The following CDH18 variants were observed in gnomAD, a reference collection of about 807,000 sequenced individuals.
The protein encoded by CDH18 is cadherin 18, also known as cadherin-18.
In CDH18, 31 loss-of-function variants were observed where a neutral mutation model predicts 67.9. The ratio of observed to expected loss-of-function variants is 0.46; its 90% confidence interval spans 0.34 to 0.62. CDH18 has a LOEUF of 0.62. CDH18 is among the 20% of genes least tolerant of loss of function. The pLI, the probability that CDH18 is intolerant of heterozygous loss-of-function variation, is 0.01. For missense variants in CDH18, 890 were observed against 975.5 expected (o/e 0.91, Z 1.17); for synonymous variants, 362 against 347.2 (o/e 1.04, Z -0.48).
intron 1 of CDH18, among the ~76,000 whole-genome samples, chr5:20,292,346 T>G (rs1747166031): frequency 6.6e-6 from 1 of 152,300 alleles, no homozygotes; most frequent in South Asian, 2.1e-4. Flanking sequence ...GATAGAGAGC[T>G]GCTGAAGTAG....
At chr5:20,186,681 G>C (rs768131977) in intron 2 of CDH18, among the ~76,000 whole-genome samples, 28 of 151,832 alleles carry the variant, frequency 1.8e-4, no homozygotes, top group Admixed American at 1.3e-4. Context: ...TGAAATGTTA[G>C]ATCCCTTGTA....
chr5:19,813,670 A>T (rs1249589357), intron 3 of CDH18, among the ~76,000 whole-genome samples: 2 of 152,178 alleles, frequency 1.3e-5, no homozygotes, highest in African/African-American at 4.8e-5. Flanking sequence ...TAGTCATAGT[A>T]AACAATTTTA....
chr5:20,156,277 C>T (rs956538913), intron 2 of CDH18, among the ~76,000 whole-genome samples: 3 of 151,984 alleles, frequency 2.0e-5, no homozygotes, highest in East Asian at 1.9e-4. Flanking sequence ...AAGATACGCT[C>T]GTTATGTTTA....
intron 5 of CDH18, among the ~76,000 whole-genome samples, chr5:19,696,225 A>ATG (rs1192392126): frequency 0.012 from 880 of 75,094 alleles, 7 homozygotes; most frequent in Middle Eastern, 0.03. Flanking sequence ...CACCAAATAT[A>ATG]TGTGTGTGTG....
chr5:19,494,192 A>C (rs1048152298), intron 11 of CDH18, among the ~76,000 whole-genome samples: 6 of 152,236 alleles, frequency 3.9e-5, no homozygotes, highest in African/African-American at 1.4e-4. Flanking sequence ...CACTCAGGAT[A>C]ATTTCTTTAG....
intron 1 of CDH18, among the ~76,000 whole-genome samples, chr5:20,462,929 T>TTTG (rs1295016536): frequency 6.6e-6 from 1 of 152,194 alleles, no homozygotes; most frequent in East Asian, 1.9e-4. Flanking sequence ...ATTGTTCTAC[T>TTTG]TTGTATTTCT....
intron 2 of CDH18, among the ~76,000 whole-genome samples, chr5:19,968,068 T>C (rs1797640837): frequency 6.6e-6 from 1 of 150,684 alleles, no homozygotes; most frequent in Non-Finnish European, 1.5e-5. Context: ...GAGAGCCAAT[T>C]CATGAGTGAA....
intron 2 of CDH18, among the ~76,000 whole-genome samples, chr5:20,155,379 G>A (rs1474924985): frequency 1.3e-5 from 2 of 152,052 alleles, no homozygotes; most frequent in Non-Finnish European, 2.9e-5. Flanking sequence ...ATTGAAAAAT[G>A]TCTGTACACG....
intron 5 of CDH18, among the ~76,000 whole-genome samples, chr5:19,612,879 G>A (rs1433858082): frequency 1.3e-5 from 2 of 152,034 alleles, no homozygotes; most frequent in Non-Finnish European, 2.9e-5. Context: ...GGTGGCTCAC[G>A]CCTGTAATCC....
intron 1 of CDH18, among the ~76,000 whole-genome samples, chr5:20,476,080 C>A (rs1224771726): frequency 1.3e-5 from 2 of 152,106 alleles, no homozygotes; most frequent in East Asian, 3.9e-4. Flanking sequence ...GGGAAAAATT[C>A]TCAGCTTGCT....
In CDH18 at chr5:20,048,562, G is replaced by GTGT. The variant is rs1480159110; in HGVS notation, c.-517-56551_-517-56549dup. ...TCCAATGCAAAATCAGTATCTCAGAGTGTTTCAAGTAACTTGGTGAGAACT... is the reference window on the plus strand; with the variant it reads ...TCCAATGCAAAATCAGTATCTCAGAGTGTTGTTTCAAGTAACTTGGTGAGAACT... On this transcript the variant is annotated intron_variant, in intron 2 of 14. Coordinates refer to the CDH18 transcript ENST00000507958. 2.0e-5 allele frequency among the ~76,000 whole-genome samples: 3 copies of GTGT among 151,770 alleles called. No homozygotes were observed. In the East Asian group the frequency reaches 5.8e-4, roughly 29 times the overall value.
intron 9 of CDH18, among the ~76,000 whole-genome samples, chr5:19,526,190 A>G (rs2126944254): frequency 6.6e-6 from 1 of 152,260 alleles, no homozygotes; most frequent in South Asian, 2.1e-4. Context: ...TATAATACTG[A>G]GCCTGGGAAA....
At position 20,272,158 on chromosome 5, in the gene CDH18, C is replaced by T. The variant is rs548455662; in HGVS notation, c.-579-16653G>A. 1.5e-4 allele frequency among the ~76,000 whole-genome samples: 23 copies of T among 151,832 alleles called. No individual in the cohort carries two copies. In the South Asian group the frequency reaches 1.9e-3, roughly 12 times the overall value. ...AAGTAGCAAAACAGACTGAAGATAG[C>T]CTAAGAGGAAGAAGTGGACTTAAAG... On this transcript the variant is annotated intron_variant, in intron 1 of 14. Transcript: ENST00000507958.
At chr5:20,016,883 C>T (rs1456123522) in intron 2 of CDH18, among the ~76,000 whole-genome samples, 1 of 151,942 alleles carries the variant, frequency 6.6e-6, no homozygotes, top group Admixed American at 6.6e-5. Context: ...TAATTGCCTA[C>T]CTGTAAAGAG....
intron 2 of CDH18, among the ~76,000 whole-genome samples, chr5:19,842,780 C>T (rs1370361531): frequency 6.6e-6 from 1 of 152,030 alleles, no homozygotes; most frequent in Non-Finnish European, 1.5e-5. Flanking sequence ...ACTTGTTGAA[C>T]GGTTTTGACC....
chr5:19,747,168 A>G lies in CDH18; in HGVS notation c.297T>C (p.Thr99=). The change falls in exon 4 of 13, where the codon ACT becomes ACC. Residue 99 remains threonine (T), a synonymous_variant. Transcript: ENST00000382275. ...KYILTGEGAG[T]IFIIDDTTGD... ...CCGTGGTATCGTCAATGATAAATAT[A>G]GTCCCAGCACCCTCTCCAGTAAGGA... 1 of 1,614,036 alleles carries G rather than the reference A, an allele frequency of 6.2e-7. No individual in the cohort carries two copies. Among genetic ancestry groups the G allele is most frequent in the Non-Finnish European group, 8.5e-7 (1 of 1,179,876 alleles).
At chr5:20,010,335 G>C (rs987536945) in intron 2 of CDH18, among the ~76,000 whole-genome samples, 3 of 151,898 alleles carry the variant, frequency 2.0e-5, no homozygotes, top group Admixed American at 6.6e-5. Flanking sequence ...TCAGCCTCCA[G>C]AGTAGCTGGG....
chr5:19,929,001 T>C (rs1793394621), intron 2 of CDH18, among the ~76,000 whole-genome samples: 1 of 152,136 alleles, frequency 6.6e-6, no homozygotes, highest in African/African-American at 2.4e-5. Flanking sequence ...CACATCGTTT[T>C]CATCCTTAAT....
chr5:19,877,015 G>A (rs1013051426), intron 2 of CDH18, among the ~76,000 whole-genome samples: 2 of 151,974 alleles, frequency 1.3e-5, no homozygotes, highest in African/African-American at 2.4e-5. Context: ...TGAGGCCTTC[G>A]AAGAAGGCTG....
Sources: gnomAD v4.1 joint callset for allele counts (sites outside exome capture counted in the v4.1 genomes callset) on GRCh38, gnomAD v4.1.1 for gene constraint, MANE v1.5 for transcripts, NCBI Gene and HGNC (gene_info 2026-07-23, HGNC 2026-07-21) for gene names.